MAN1A1: variants seen among roughly 807,000 people sequenced by gnomAD.
MAN1A1 encodes the protein mannosidase alpha class 1A member 1.
In MAN1A1, 29 loss-of-function variants were observed where a neutral mutation model predicts 70.8. That is an observed-to-expected ratio of 0.41 (90% CI 0.31 to 0.56). The LOEUF is 0.56. Ranked by LOEUF, MAN1A1 falls within the 20% of genes least tolerant of loss-of-function variation. MAN1A1 has a pLI of 0.29. For missense variants in MAN1A1, 747 were observed against 841.3 expected (o/e 0.89, Z 1.39); for synonymous variants, 349 against 330.1 (o/e 1.06, Z -0.62).
chr6:119,188,823 A>G (rs917013529), intron 10 of MAN1A1, among the ~76,000 whole-genome samples: 1 of 152,168 alleles, frequency 6.6e-6, no homozygotes, highest in East Asian at 1.9e-4. Context: ...ATACTACTTA[A>G]TACAGTGTAA....
chr6:119,302,247 A>G, intron 3 of MAN1A1, 144 bp from the exon 4 acceptor site: 1 of 504,148 alleles, frequency 2.0e-6, no homozygotes, highest in Non-Finnish European at 3.6e-6. Flanking sequence ...TCTTTCAATG[A>G]AAGTATAAAA....
intron 5 of MAN1A1, among the ~76,000 whole-genome samples, chr6:119,287,614 T>G (rs1776412473): frequency 6.6e-6 from 1 of 151,998 alleles, no homozygotes; most frequent in African/African-American, 2.4e-5. Context: ...AAAAGTTAAT[T>G]CACTTCTTTT....
chr6:119,243,242 A>G (rs1256762900), intron 6 of MAN1A1, among the ~76,000 whole-genome samples: 2 of 152,070 alleles, frequency 1.3e-5, no homozygotes, highest in African/African-American at 4.8e-5. Flanking sequence ...ATTTGATCTT[A>G]TGTTCAGAAA....
chr6:119,298,277 C>A (rs181325438), intron 4 of MAN1A1, among the ~76,000 whole-genome samples: 115 of 152,236 alleles, frequency 7.6e-4, no homozygotes, highest in African/African-American at 2.7e-3. Context: ...TTCCTTACTC[C>A]CCAGAACATA....
chr6:119,273,442 T>G (rs558385023), intron 5 of MAN1A1, among the ~76,000 whole-genome samples: 2 of 152,286 alleles, frequency 1.3e-5, no homozygotes, highest in African/African-American at 4.8e-5. Context: ...TAAACAAGCA[T>G]AAATTTTAAT....
intron 2 of MAN1A1, among the ~76,000 whole-genome samples, chr6:119,317,033 G>A (rs1185526315): frequency 6.6e-6 from 1 of 150,726 alleles, no homozygotes; most frequent in Admixed American, 6.6e-5. Flanking sequence ...TAGGGCACAA[G>A]TATTTCCCTT....
At chr6:119,284,580 C>T (rs9489667) in intron 5 of MAN1A1, among the ~76,000 whole-genome samples, 1 of 151,910 alleles carries the variant, frequency 6.6e-6, no homozygotes, top group East Asian at 1.9e-4. Flanking sequence ...CCCTAAATTA[C>T]TGAAATATAG....
intron 5 of MAN1A1, among the ~76,000 whole-genome samples, chr6:119,268,875 C>T (rs913590733): frequency 6.6e-6 from 1 of 152,112 alleles, no homozygotes; most frequent in Non-Finnish European, 1.5e-5. Context: ...GCCAATGTGC[C>T]CGGCCCTCAT....
chr6:119,258,603 C>G (rs1370226246), intron 5 of MAN1A1, among the ~76,000 whole-genome samples: 2 of 152,112 alleles, frequency 1.3e-5, no homozygotes, highest in African/African-American at 4.8e-5. Context: ...AACCTACCCC[C>G]ACAGATACCT....
At chr6:119,261,732 T>C (rs1775619857) in intron 5 of MAN1A1, among the ~76,000 whole-genome samples, 1 of 152,224 alleles carries the variant, frequency 6.6e-6, no homozygotes. Flanking sequence ...TTGAAGATCT[T>C]AAACTCAGTT....
At position 119,201,424 on chromosome 6, in the gene MAN1A1, C is replaced by G. The variant is rs964186581; in HGVS notation, c.1117-77G>C. The G allele has an allele frequency of 4.3e-6, 4 of 931,244 alleles. No homozygotes were observed. The African/African-American group carries it at 4.9e-5, about 11-fold the overall frequency. The allele number at this position is 931,244 out of a possible 1,614,324, so 57.7% of individuals were successfully genotyped here. ...GCCATTCTTCTTCTTCTTGAACATA[C>G]AAGTTGACTTAAATGATGCAGAGTT... On this transcript the variant is annotated intron_variant, in intron 7 of 12. Coordinates refer to ENST00000368468, the MANE Select transcript of MAN1A1 (RefSeq NM_005907.4).
intron 4 of MAN1A1, among the ~76,000 whole-genome samples, chr6:119,297,380 A>T (rs544012729): frequency 6.6e-6 from 1 of 152,244 alleles, no homozygotes; most frequent in African/African-American, 2.4e-5. Flanking sequence ...CATTTAACAA[A>T]TATTTATCAA....
chr6:119,197,732 T>C (rs1352034795), intron 8 of MAN1A1, among the ~76,000 whole-genome samples: 1 of 151,692 alleles, frequency 6.6e-6, no homozygotes, highest in Non-Finnish European at 1.5e-5. Flanking sequence ...TGTTTTCCTC[T>C]GGCTAGAACA....
At chr6:119,247,416 G>A (rs371726335) in intron 6 of MAN1A1, among the ~76,000 whole-genome samples, 49 of 152,222 alleles carry the variant, frequency 3.2e-4, no homozygotes, top group African/African-American at 1.1e-3. Context: ...ATAATATGTG[G>A]TAAGAGGACT....
In MAN1A1 at chr6:119,224,147, G is replaced by A. The variant is rs1025617293; in HGVS notation, c.993-19265C>T. Among the ~76,000 whole-genome samples the A allele has an allele frequency of 2.0e-5, 3 of 152,262 alleles. No individual in the cohort carries two copies. The East Asian group carries it at 5.8e-4, about 29-fold the overall frequency. ...GGTATAATCTCTGCTGAAATCCCTG[G>A]ATGACCACTAAATAAGACATGCTAT... On this transcript the variant is annotated intron_variant, in intron 6 of 12. Transcript: ENST00000368468.
chr6:119,197,413 G>T (rs2114940914), intron 8 of MAN1A1, among the ~76,000 whole-genome samples: 1 of 152,290 alleles, frequency 6.6e-6, no homozygotes, highest in South Asian at 2.1e-4. Flanking sequence ...AAGACACTGT[G>T]TACTGGCTTA....
intron 4 of MAN1A1, among the ~76,000 whole-genome samples, chr6:119,297,794 T>TTTTTG (rs1291656454): frequency 8.3e-6 from 1 of 119,896 alleles, no homozygotes. Flanking sequence ...GGCTGGAGTT[T>TTTTTG]TTTTGTTTTG....
At chr6:119,337,585 T>C (rs1372239111) in intron 2 of MAN1A1, among the ~76,000 whole-genome samples, 1 of 152,214 alleles carries the variant, frequency 6.6e-6, no homozygotes, top group Admixed American at 6.5e-5. Context: ...GTCATAGAAA[T>C]TCTGTATTCT....
At chr6:119,330,236 G>A (rs1404515031) in intron 2 of MAN1A1, among the ~76,000 whole-genome samples, 3 of 152,154 alleles carry the variant, frequency 2.0e-5, no homozygotes, top group East Asian at 3.9e-4. Context: ...CTGCTCACAA[G>A]AGACCTCCAA....
Sources: gnomAD v4.1 joint callset for allele counts (sites outside exome capture counted in the v4.1 genomes callset) on GRCh38, gnomAD v4.1.1 for gene constraint, MANE v1.5 for transcripts, NCBI Gene and HGNC (gene_info 2026-07-23, HGNC 2026-07-21) for gene names.